CCDC169: variants seen among roughly 807,000 people sequenced by gnomAD.
CCDC169 encodes coiled-coil domain-containing protein 169.
In CCDC169, 30 loss-of-function variants were observed where a neutral mutation model predicts 36.0. The ratio of observed to expected loss-of-function variants is 0.83; its 90% CI spans 0.62 to 1.13. CCDC169 has a LOEUF of 1.13. Among genes scored for constraint, CCDC169 ranks in the 50% most tolerant of loss-of-function variants. The pLI is 0.00. For synonymous variants in CCDC169, 85 were observed against 81.5 expected (o/e 1.04, Z -0.23); for missense variants, 245 against 245.9 (o/e 1.00, Z 0.03).
rs541890668 is a variant in CCDC169 at position 36,244,173 on chromosome 13, C to T, written c.545+4433G>A. ...CTTTAGGCTACTGTCTTTGGAAAAG[C>T]CCACTTGCGAGGTTGGCCCTTGGCT... On this transcript the variant is annotated intron_variant, in intron 7 of 7. Transcript: ENST00000239859. 3.3e-5 allele frequency among the ~76,000 whole-genome samples: 5 copies of T among 152,264 alleles called. No homozygotes were observed. The East Asian group carries it at 9.6e-4, about 29-fold the overall frequency.
chr13:36,229,516 G>A (rs1870190593), downstream of CCDC169, among the ~76,000 whole-genome samples: 1 of 148,238 alleles, frequency 6.7e-6, no homozygotes, highest in Non-Finnish European at 1.5e-5. Context: ...ATTTTTCATT[G>A]ATAATTATAA....
chr13:36,284,167 C>T (rs569972029), intron 2 of CCDC169, among the ~76,000 whole-genome samples: 133 of 151,882 alleles, frequency 8.8e-4, no homozygotes, highest in African/African-American at 2.9e-3. Flanking sequence ...TATATTTATA[C>T]ATTTTATATA....
Position 36,295,763 on chromosome 13 carries a change from T to C in CCDC169, c.163+15A>G, listed in dbSNP as rs1374238311. The C allele has an allele frequency of 1.5e-6, 2 of 1,362,586 alleles. No homozygotes were observed. The highest frequency in any genetic ancestry group is 2.1e-5 in the Admixed American group (1 of 47,750). The allele number at this position is 1,362,586 out of a possible 1,614,324, so 84.4% of individuals were successfully genotyped here. On this transcript the variant is annotated intron_variant, in intron 2 of 7. Transcript: ENST00000239859. Reference sequence around the variant, plus strand: ...ATTATACAGGAGTCACAAATATAAGTATTTACTTATATACCTTCATTGTCA... The same window carrying C: ...ATTATACAGGAGTCACAAATATAAGCATTTACTTATATACCTTCATTGTCA...
intron 5 of CCDC169, 90 bp downstream of exon 5, chr13:36,253,955 G>GTTTTCTAAGCA: frequency 1.3e-6 from 2 of 1,522,416 alleles, no homozygotes; most frequent in Middle Eastern, 1.7e-4. Flanking sequence ...GTAGGAAATA[G>GTTTTCTAAGCA]TTTTGTGTTA....
chr13:36,292,870 G>C (rs1452973093), intron 2 of CCDC169, among the ~76,000 whole-genome samples: 1 of 152,172 alleles, frequency 6.6e-6, no homozygotes, highest in Non-Finnish European at 1.5e-5. Flanking sequence ...TTGAGTAGGT[G>C]CAAGTAGGTA....
chr13:36,292,109 T>C (rs1309854510), intron 2 of CCDC169, among the ~76,000 whole-genome samples: 1 of 151,364 alleles, frequency 6.6e-6, no homozygotes, highest in African/African-American at 2.4e-5. Context: ...TGCCTCAGCC[T>C]CCAGAGTAGC....
rs147285814 is a variant in CCDC169 at position 36,232,461 on chromosome 13, T to C, written c.546-1169A>G. 1.4e-3 allele frequency among the ~76,000 whole-genome samples: 216 copies of C among 152,024 alleles called. 1 individual carries two copies. Among genetic ancestry groups the C allele is most frequent in the African/African-American group, 4.9e-3 (205 of 41,480 alleles). ...AGCTGCCAGAGGTAGTAGATAACAATTGAGGCAAAAAATAGGCTAACCAGG... is the reference window on the plus strand; with the variant it reads ...AGCTGCCAGAGGTAGTAGATAACAACTGAGGCAAAAAATAGGCTAACCAGG... On this transcript the variant is annotated intron_variant, in intron 7 of 7. Coordinates refer to ENST00000239859, the MANE Select transcript of CCDC169 (RefSeq NM_001144981.3).
chr13:36,229,487 G>A (rs1449932759), downstream of CCDC169, among the ~76,000 whole-genome samples: 3 of 150,252 alleles, frequency 2.0e-5, no homozygotes, highest in Non-Finnish European at 3.0e-5. Flanking sequence ...GCTTAGCTCT[G>A]TAAGGAAAAA....
chr13:36,239,732 A>C (rs1871537174), intron 7 of CCDC169, among the ~76,000 whole-genome samples: 1 of 152,182 alleles, frequency 6.6e-6, no homozygotes, highest in South Asian at 2.1e-4. Flanking sequence ...GTCACATTAA[A>C]TAATAAGAAA....
intron 2 of CCDC169, among the ~76,000 whole-genome samples, chr13:36,289,645 AAAC>A (rs1878635143): frequency 6.6e-6 from 1 of 152,216 alleles, no homozygotes; most frequent in African/African-American, 2.4e-5. Flanking sequence ...CTGGCGTAAG[AAAC>A]AACATTTTAC....
At chr13:36,281,676 A>C (rs182714848) in intron 4 of CCDC169, among the ~76,000 whole-genome samples, 1 of 152,278 alleles carries the variant, frequency 6.6e-6, no homozygotes, top group Non-Finnish European at 1.5e-5. Flanking sequence ...AGCCTGGGAC[A>C]CACGGTGAAA....
chr13:36,229,218 C>T (rs1338951956), downstream of CCDC169, among the ~76,000 whole-genome samples: 1 of 152,060 alleles, frequency 6.6e-6, no homozygotes, highest in African/African-American at 2.4e-5. Context: ...AGTTATTTAC[C>T]AAAGTCAGAA....
chr13:36,254,648 CTAAG>C (rs1873614377), intron 4 of CCDC169, among the ~76,000 whole-genome samples: 2 of 152,230 alleles, frequency 1.3e-5, no homozygotes, highest in East Asian at 1.9e-4. Flanking sequence ...ATGTATTGTA[CTAAG>C]TGTTTTTCTT....
chr13:36,251,226 C>T (rs1054583994), intron 6 of CCDC169, among the ~76,000 whole-genome samples: 3 of 152,200 alleles, frequency 2.0e-5, no homozygotes, highest in African/African-American at 7.2e-5. Context: ...CAGCAAATAG[C>T]TCTAGTTATC....
At chr13:36,262,788 T>C (rs1874758605) in intron 4 of CCDC169, among the ~76,000 whole-genome samples, 1 of 152,238 alleles carries the variant, frequency 6.6e-6, no homozygotes, top group South Asian at 2.1e-4. Flanking sequence ...ACTATGTCTC[T>C]GTGCCCAGCT....
chr13:36,247,455 A>G (rs1316011672), intron 7 of CCDC169, among the ~76,000 whole-genome samples: 2 of 152,214 alleles, frequency 1.3e-5, no homozygotes, highest in Non-Finnish European at 2.9e-5. Flanking sequence ...ATCATTCTAG[A>G]TGCCACTAAG....
chr13:36,282,677 T>A (rs948969410), intron 4 of CCDC169, among the ~76,000 whole-genome samples: 2 of 152,114 alleles, frequency 1.3e-5, no homozygotes, highest in African/African-American at 4.8e-5. Flanking sequence ...GGATCTAAAT[T>A]ATTAAATCTC....
intron 7 of CCDC169, among the ~76,000 whole-genome samples, chr13:36,243,959 C>T (rs1271039776): frequency 6.6e-6 from 1 of 152,144 alleles, no homozygotes; most frequent in African/African-American, 2.4e-5. Context: ...TGTGTATGTG[C>T]TAACATATGA....
At chr13:36,253,013 A>G in intron 6 of CCDC169, among the ~76,000 whole-genome samples, 1 of 145,264 alleles carries the variant, frequency 6.9e-6, no homozygotes, top group African/African-American at 2.4e-5. Context: ...TGACAACCTC[A>G]AAACAAAAAC....
Sources: allele counts gnomAD v4.1 joint callset (sites outside exome capture counted in the v4.1 genomes callset), GRCh38; gene constraint gnomAD v4.1.1; transcripts MANE v1.5; gene names NCBI Gene and HGNC (gene_info 2026-07-23, HGNC 2026-07-21).